Variants in CDK5RAP3 observed in about 807,000 individuals in gnomAD.
CDK5RAP3 encodes CDK5 regulatory subunit-associated protein 3.
CDK5RAP3 carries 58 observed loss-of-function variants against 73.3 expected under a neutral mutation model. The observed-to-expected ratio is 0.79, with a 90% CI of 0.64 to 0.98. The LOEUF (loss-of-function observed/expected upper bound fraction) is 0.98. CDK5RAP3 is among the 50% of genes least tolerant of loss of function. CDK5RAP3 has a pLI of 0.00. For missense variants in CDK5RAP3, 525 were observed against 615.8 expected (o/e 0.85, Z 1.56); for synonymous variants, 224 against 247.5 (o/e 0.91, Z 0.89).
At position 47,975,823 on chromosome 17, in the gene CDK5RAP3, C is replaced by A. The variant is rs773972976; in HGVS notation, c.654-46C>A. On this transcript the variant is annotated intron_variant, in intron 7 of 13. Transcript: ENST00000338399. ...GGCCCAGGCCAAAGCCCAGTGTTGGCCTTACGCATGGTCGGCAGGAGAGTC... is the reference window on the plus strand; with the variant it reads ...GGCCCAGGCCAAAGCCCAGTGTTGGACTTACGCATGGTCGGCAGGAGAGTC... The A allele has an allele frequency of 3.1e-6, 5 of 1,612,448 alleles. No individual in the cohort carries two copies. The South Asian group carries it at 5.5e-5, about 18-fold the overall frequency.
intron 7 of CDK5RAP3, 46 bp from the exon 8 acceptor site, chr17:47,975,823 C>T: frequency 3.1e-6 from 5 of 1,612,448 alleles, no homozygotes; most frequent in Non-Finnish European, 4.2e-6. Flanking sequence ...CCAGTGTTGG[C>T]CTTACGCATG....
upstream of CDK5RAP3, among the ~76,000 whole-genome samples, chr17:47,968,106 C>T (rs1159417697): frequency 6.6e-6 from 1 of 152,038 alleles, no homozygotes; most frequent in African/African-American, 2.4e-5. Context: ...CTTGAGATGT[C>T]CCAGACAGCC....
upstream of CDK5RAP3, chr17:47,970,946 G>A: frequency 1.4e-6 from 2 of 1,453,510 alleles, no homozygotes; most frequent in Non-Finnish European, 1.8e-6. Flanking sequence ...CGCCCCTCCC[G>A]AGCTCAGCCA....
chr17:47,977,823 T>C lies in CDK5RAP3; in HGVS notation c.910-9T>C, dbSNP rs746279839. On this transcript the variant is annotated splice_polypyrimidine_tract_variant and intron_variant, in intron 9 of 13. Coordinates refer to ENST00000338399, the MANE Select transcript of CDK5RAP3 (RefSeq NM_176096.3). ...CCCCCATTGCTGTGGTTCTTTGCTC[T>C]CCTTCCAGGATCCTGGAGGTGATGG... The C allele has an allele frequency of 6.2e-7, 1 of 1,612,242 alleles. No individual in the cohort carries two copies. Among genetic ancestry groups the C allele is most frequent in the South Asian group, 1.1e-5 (1 of 90,900 alleles).
At chr17:47,973,318 T>C (rs2036312065) in intron 2 of CDK5RAP3, among the ~76,000 whole-genome samples, 1 of 152,234 alleles carries the variant, frequency 6.6e-6, no homozygotes, top group Non-Finnish European at 1.5e-5. Context: ...ATCACACTGC[T>C]AATGAAGTCA....
chr17:47,974,029 A>C lies in CDK5RAP3; in HGVS notation c.283A>C (p.Lys95Gln). 6.2e-7 allele frequency: 1 copy of C among 1,610,632 alleles called. No homozygotes were observed. Among genetic ancestry groups the C allele is most frequent in the Non-Finnish European group, 8.5e-7 (1 of 1,176,754 alleles). ...IFGRYSSQRM[K>Q]DWQEIIALYE... Reference sequence around the variant, plus strand: ...TGGCCGATACTCTTCACAGCGGATGAAGGCAAGTGTGGGCCAAGGGCCGGT... The same window carrying C: ...TGGCCGATACTCTTCACAGCGGATGCAGGCAAGTGTGGGCCAAGGGCCGGT... Residue 95 changes from lysine to glutamine, a missense_variant and splice_region_variant, in exon 4 of 14, where the codon AAG becomes CAG. By Grantham distance (53) the Lys-to-Gln change is moderately conservative (BLOSUM62 1). This residue lies in a region of CDK5RAP3 where 409 missense variants were observed against 429.8 expected (regional missense o/e 0.95). Coordinates refer to ENST00000338399, the MANE Select transcript of CDK5RAP3 (RefSeq NM_176096.3).
chr17:47,976,023 G>A lies in CDK5RAP3; in HGVS notation c.798+10G>A, dbSNP rs778865181. On this transcript the variant is annotated intron_variant, in intron 8 of 13. Transcript: ENST00000338399. ...GGTGGCAGAAGATGCGGTAAGATGG[G>A]CCTTGTGATGAGCTGTAGGAGTGGA... is the stretch of plus-strand genomic sequence containing the variant. The A allele has an allele frequency of 1.1e-5, 18 of 1,613,202 alleles. No individual in the cohort carries two copies. The East Asian group carries it at 1.6e-4, about 14-fold the overall frequency.
upstream of CDK5RAP3, among the ~76,000 whole-genome samples, chr17:47,969,899 G>C (rs184127755): frequency 6.6e-5 from 10 of 152,292 alleles, no homozygotes; most frequent in East Asian, 1.7e-3. Context: ...CCTGTCTCAG[G>C]TGGTGGTTCC....
At chr17:47,968,061 A>G (rs1042978960), upstream of CDK5RAP3, 1 of 152,160 alleles carries the variant, frequency 6.6e-6, no homozygotes, top group African/African-American at 2.4e-5. Context: ...AGGAAGAGAG[A>G]TAGATACACC....
At chr17:47,970,802 C>A, upstream of CDK5RAP3, 1 of 1,447,866 alleles carries the variant, frequency 6.9e-7, no homozygotes, top group Non-Finnish European at 9.3e-7. Context: ...GACCCAGTGC[C>A]CGCCAGGGGA....
intron 3 of CDK5RAP3, 66 bp downstream of exon 3, chr17:47,973,716 C>T (rs1378515577): frequency 1.9e-6 from 3 of 1,587,828 alleles, no homozygotes; most frequent in African/African-American, 1.3e-5. Flanking sequence ...AGCTGAGCTA[C>T]TCTCTTGTTA....
Position 47,981,711 on chromosome 17 carries a change from G to A in CDK5RAP3, c.*209G>A, listed in dbSNP as rs1181971439. On this transcript the variant is annotated 3_prime_UTR_variant, in exon 14 of 14. Coordinates refer to ENST00000338399, the MANE Select transcript of CDK5RAP3 (RefSeq NM_176096.3). ...TGATTGGCCCTGTGGTCTATCAGGC[G>A]AAAACCACAGATTCTCCTTCTAGTT... 8.5e-6 allele frequency: 13 copies of A among 1,530,392 alleles called. No homozygotes were observed. The highest frequency in any genetic ancestry group is 4.9e-5 in the East Asian group (2 of 40,412). The allele number at this position is 1,530,392 out of a possible 1,614,324, so 94.8% of individuals were successfully genotyped here.
At chr17:47,974,478 A>G (rs2036346309) in intron 5 of CDK5RAP3, 30 bp downstream of exon 5, 1 of 1,613,952 alleles carries the variant, frequency 6.2e-7, no homozygotes, top group African/African-American at 1.3e-5. Flanking sequence ...GAGCCCTGGT[A>G]TCCATGGGGA....
At chr17:47,980,522 C>A in intron 11 of CDK5RAP3, 71 bp from the exon 12 acceptor site, 1 of 1,423,456 alleles carries the variant, frequency 7.0e-7, no homozygotes, top group Non-Finnish European at 9.9e-7. Flanking sequence ...CTGCCTTGGC[C>A]TCCCACAGTG....
At chr17:47,977,774 G>A in intron 9 of CDK5RAP3, 58 bp from the exon 10 acceptor site, 1 of 1,433,308 alleles carries the variant, frequency 7.0e-7, no homozygotes, top group East Asian at 2.3e-5. Flanking sequence ...GTTTATTCTG[G>A]CTCCTTGGCT....
At position 47,975,496 on chromosome 17, in the gene CDK5RAP3, C is replaced by G; in HGVS notation, c.514-18C>G. On this transcript the variant is annotated intron_variant, in intron 6 of 13. Transcript: ENST00000338399. ...TTTTCTTCAATCTGTTGGACTCCAC[C>G]TCTTCTCCCCTCTCTAGGGCGAAAA... The G allele has an allele frequency of 6.2e-7, 1 of 1,610,184 alleles. No individual in the cohort carries two copies. The highest frequency in any genetic ancestry group is 1.1e-5 in the South Asian group (1 of 91,088).
At position 47,973,386 on chromosome 17, in the gene CDK5RAP3, C is replaced by T. The variant is rs561423661; in HGVS notation, c.53-133C>T. 8.1e-6 allele frequency: 8 copies of T among 987,552 alleles called. No homozygotes were observed. In the Admixed American group the frequency reaches 8.2e-5, roughly 10 times the overall value. 61.2% of individuals were successfully genotyped at this position (987,552 alleles called of 1,614,324 possible). The stretch of plus-strand genomic sequence containing the variant: ...TCTTTGGGCTTGTCTTTATTCCCAT[C>T]TTCCCATGACCCCCATACTTTAACC... On this transcript the variant is annotated intron_variant, in intron 2 of 13. Transcript: ENST00000338399.
intron 2 of CDK5RAP3, 136 bp downstream of exon 2, chr17:47,971,543 T>C: frequency 1.2e-6 from 1 of 841,214 alleles, no homozygotes; most frequent in Non-Finnish European, 1.8e-6. Flanking sequence ...CTATGCCCCA[T>C]CTGTGGCCAG....
upstream of CDK5RAP3, chr17:47,971,036 G>T (rs1003442459): frequency 3.3e-6 from 5 of 1,532,688 alleles, no homozygotes; most frequent in Admixed American, 1.0e-4. Context: ...CGGCGACGTG[G>T]CCGAAGGATG....
Sources: gnomAD v4.1 joint callset for allele counts (sites outside exome capture counted in the v4.1 genomes callset) on GRCh38, gnomAD v4.1.1 for gene constraint, gnomAD v4.1.1 regional missense constraint, MANE v1.5 for transcripts, NCBI Gene and HGNC (gene_info 2026-07-23, HGNC 2026-07-21) for gene names.